The following SNX18 variants were observed in gnomAD, a reference collection of about 807,000 sequenced individuals.
SNX18 encodes the protein sorting nexin-18.
A neutral mutation model predicts 48.7 loss-of-function variants in SNX18; 35 were observed. The observed-to-expected ratio is 0.72, with a 90% CI of 0.55 to 0.95. The LOEUF (loss-of-function observed/expected upper bound fraction) is 0.95. Among genes scored for constraint, SNX18 ranks in the 40% least tolerant of loss-of-function variants. The pLI, the probability that SNX18 is intolerant of heterozygous loss-of-function variation, is 0.00. For synonymous variants in SNX18, 492 were observed against 384.7 expected, an observed-to-expected ratio of 1.28 and a Z score of -3.26; for missense variants, 824 against 871.0, an observed-to-expected ratio of 0.95 and a Z score of 0.68.
In SNX18 at chr5:54,519,311, G is replaced by A. The variant is rs1405079885; in HGVS notation, c.1359G>A (p.Ala453=). Reference sequence around the variant, plus strand: ...TCAACCACACGGCCAACGAGTTCGCGCGCAAGCAGGTGACCGGCTTCAAAA... The same window carrying A: ...TCAACCACACGGCCAACGAGTTCGCACGCAAGCAGGTGACCGGCTTCAAAA... The part of the protein sequence containing the change: ...LQLNHTANEF[A]RKQVTGFKKE... The change falls in exon 1 of 2, where the codon GCG becomes GCA. Residue 453 remains alanine (A), a synonymous_variant. Coordinates refer to ENST00000381410, the MANE Select transcript of SNX18 (RefSeq NM_001102575.2). The A allele has an allele frequency of 1.2e-6, 2 of 1,613,912 alleles. No individual in the cohort carries two copies. Among genetic ancestry groups the A allele is most frequent in the Non-Finnish European group, 1.7e-6 (2 of 1,179,930 alleles).
the SNX18 span, among the ~76,000 whole-genome samples, chr5:54,607,215 C>G: frequency 2.6e-5 from 4 of 152,146 alleles, no homozygotes; most frequent in Non-Finnish European, 5.9e-5. Flanking sequence ...GATAAGAAAG[C>G]CTGGGTTCTT....
At chr5:54,577,176 T>A in the SNX18 span, among the ~76,000 whole-genome samples, 4 of 152,252 alleles carry the variant, frequency 2.6e-5, no homozygotes, top group South Asian at 8.3e-4. Context: ...TCTAATTCCA[T>A]CAGTTTTTAG....
the SNX18 span, among the ~76,000 whole-genome samples, chr5:54,641,820 G>A: frequency 1.3e-5 from 2 of 152,248 alleles, no homozygotes; most frequent in East Asian, 1.9e-4. Flanking sequence ...CGGGTGGGAG[G>A]TGCAACGCGG....
At chr5:54,538,400 C>G (rs776831153) in intron 1 of SNX18, among the ~76,000 whole-genome samples, 9 of 152,170 alleles carry the variant, frequency 5.9e-5, no homozygotes, top group Non-Finnish European at 1.2e-4. Flanking sequence ...CACTCATGCT[C>G]TCTGTCTGTG....
intron 1 of SNX18, among the ~76,000 whole-genome samples, chr5:54,523,143 A>ATGT (rs1762063670): frequency 6.6e-6 from 1 of 152,170 alleles, no homozygotes; most frequent in African/African-American, 2.4e-5. Context: ...TGTCACTGAC[A>ATGT]TGTAACCCCT....
chr5:54,589,391 G>A, the SNX18 span, among the ~76,000 whole-genome samples: 1 of 152,094 alleles, frequency 6.6e-6, no homozygotes, highest in African/African-American at 2.4e-5. Context: ...AGGCACGAGG[G>A]CCAGCTTTTC....
intron 1 of SNX18, among the ~76,000 whole-genome samples, chr5:54,538,042 A>G (rs922630369): frequency 6.6e-6 from 1 of 152,194 alleles, no homozygotes; most frequent in African/African-American, 2.4e-5. Context: ...CCAACATGCT[A>G]GAGCTGAAAA....
the SNX18 span, among the ~76,000 whole-genome samples, chr5:54,632,562 T>C: frequency 6.6e-6 from 1 of 152,140 alleles, no homozygotes; most frequent in African/African-American, 2.4e-5. Flanking sequence ...GCTCCTTTTT[T>C]GTGGTGTGGT....
intron 1 of SNX18, among the ~76,000 whole-genome samples, chr5:54,521,969 A>G (rs946278037): frequency 6.6e-6 from 1 of 152,222 alleles, no homozygotes; most frequent in Non-Finnish European, 1.5e-5. Flanking sequence ...GTGGCTTAAC[A>G]GATTCAAGAG....
At chr5:54,636,432 G>GA in the SNX18 span, among the ~76,000 whole-genome samples, 18 of 148,986 alleles carry the variant, frequency 1.2e-4, no homozygotes, top group African/African-American at 2.5e-4. Context: ...AATCTTCAGT[G>GA]AAAAAAAAAA....
the SNX18 span, among the ~76,000 whole-genome samples, chr5:54,622,238 C>G: frequency 6.6e-6 from 1 of 152,222 alleles, no homozygotes; most frequent in Non-Finnish European, 1.5e-5. Flanking sequence ...GTGGCTCACG[C>G]CAATAATCCC....
the SNX18 span, among the ~76,000 whole-genome samples, chr5:54,622,903 G>A: frequency 2.0e-5 from 3 of 152,102 alleles, no homozygotes; most frequent in South Asian, 2.1e-4. Flanking sequence ...GTCATTGCAA[G>A]CTAAAATACT....
At chr5:54,547,853 A>G (rs991535412), downstream of SNX18, among the ~76,000 whole-genome samples, 5 of 152,358 alleles carry the variant, frequency 3.3e-5, no homozygotes, top group East Asian at 3.9e-4. Flanking sequence ...GGTCAGAGTC[A>G]GGGTTACTCA....
chr5:54,630,302 A>G, the SNX18 span, among the ~76,000 whole-genome samples: 1 of 152,126 alleles, frequency 6.6e-6, no homozygotes, highest in Non-Finnish European at 1.5e-5. Flanking sequence ...TTTGGGAGAG[A>G]AATGGAGTAG....
intron 1 of SNX18, among the ~76,000 whole-genome samples, chr5:54,536,134 A>G (rs1762351213): frequency 6.6e-6 from 1 of 152,072 alleles, no homozygotes; most frequent in Non-Finnish European, 1.5e-5. Flanking sequence ...CCTAGGCGGC[A>G]CTCTGGGCTC....
At chr5:54,528,285 C>T (rs1762176232) in intron 1 of SNX18, among the ~76,000 whole-genome samples, 1 of 152,162 alleles carries the variant, frequency 6.6e-6, no homozygotes, top group African/African-American at 2.4e-5. Flanking sequence ...ACACACGGAG[C>T]ACTGAGCTCA....
At chr5:54,594,055 G>T in the SNX18 span, among the ~76,000 whole-genome samples, 1 of 152,124 alleles carries the variant, frequency 6.6e-6, no homozygotes, top group Non-Finnish European at 1.5e-5. Flanking sequence ...TAAGTAAATT[G>T]TTTCATGTTC....
At chr5:54,611,450 G>A in the SNX18 span, among the ~76,000 whole-genome samples, 1 of 151,982 alleles carries the variant, frequency 6.6e-6, no homozygotes, top group Admixed American at 6.6e-5. Context: ...CGGGTCCCAG[G>A]GTAGTCTGCT....
the SNX18 span, among the ~76,000 whole-genome samples, chr5:54,596,798 G>A: frequency 1.2e-4 from 19 of 152,186 alleles, no homozygotes; most frequent in Admixed American, 7.2e-4. Flanking sequence ...GAGGGAACCT[G>A]CAGTAGGAAT....
Sources: allele counts gnomAD v4.1 joint callset (sites outside exome capture counted in the v4.1 genomes callset), GRCh38; gene constraint gnomAD v4.1.1; transcripts MANE v1.5; gene names NCBI Gene and HGNC (gene_info 2026-07-23, HGNC 2026-07-21).